Variants in NBEA observed in about 807,000 individuals in gnomAD.
The protein encoded by NBEA is neurobeachin, also known as lysosomal-trafficking regulator 2.
In NBEA, 44 loss-of-function variants were observed where a neutral mutation model predicts 343.4. The ratio of observed to expected loss-of-function variants is 0.13; its 90% CI spans 0.10 to 0.16. The LOEUF (loss-of-function observed/expected upper bound fraction) is 0.16. Among genes scored for constraint, NBEA ranks in the 10% least tolerant of loss-of-function variants. The pLI is 1.00. For synonymous variants in NBEA, 1,175 were observed against 1,238.7 expected (o/e 0.95, Z 1.08); for missense variants, 2,555 against 3,631.3 (o/e 0.70, Z 7.62).
intron 34 of NBEA, among the ~76,000 whole-genome samples, chr13:35,259,642 CATTTT>C (rs2033027563): frequency 1.3e-5 from 2 of 151,950 alleles, no homozygotes; most frequent in African/African-American, 2.4e-5. Flanking sequence ...AAAAATAAAA[CATTTT>C]ATTAGCAATT....
chr13:35,492,350 T>A lies in NBEA; in HGVS notation c.6585+19814T>A, dbSNP rs536211421. 3.5e-4 allele frequency among the ~76,000 whole-genome samples: 53 copies of A among 152,054 alleles called. 1 individual carries two copies. In the South Asian group the frequency reaches 1.0e-2, roughly 29 times the overall value. On this transcript the variant is annotated intron_variant, in intron 41 of 58. Coordinates refer to ENST00000379939, the MANE Select transcript of NBEA (RefSeq NM_001385012.1). Reference sequence around the variant, plus strand: ...AAAACCTATGGAAATAAACAATTTTTAAAAAGTAGAAATAAAGGAAATGCA... The same window carrying A: ...AAAACCTATGGAAATAAACAATTTTAAAAAAGTAGAAATAAAGGAAATGCA...
chr13:35,011,325 G>A (rs1399442299), intron 1 of NBEA, among the ~76,000 whole-genome samples: 3 of 152,134 alleles, frequency 2.0e-5, no homozygotes, highest in Non-Finnish European at 4.4e-5. Flanking sequence ...GATTGTAGAG[G>A]AGCACTGAGA....
At chr13:35,035,978 T>A (rs1374317383) in intron 1 of NBEA, among the ~76,000 whole-genome samples, 8 of 152,028 alleles carry the variant, frequency 5.3e-5, no homozygotes, top group Non-Finnish European at 4.4e-5. Context: ...TTAGTCTGTG[T>A]CTTTTGATTG....
chr13:35,362,409 AT>A (rs1163581337), intron 38 of NBEA, among the ~76,000 whole-genome samples: 5 of 151,998 alleles, frequency 3.3e-5, no homozygotes, highest in African/African-American at 9.7e-5. Context: ...TCTAATAAAG[AT>A]TATGAATTAT....
intron 40 of NBEA, among the ~76,000 whole-genome samples, chr13:35,464,905 C>T (rs2047087744): frequency 6.6e-6 from 1 of 152,018 alleles, no homozygotes; most frequent in Admixed American, 6.6e-5. Context: ...CATTAATTTT[C>T]GTTGACTACG....
chr13:35,177,962 AATC>A (rs1407504939), intron 28 of NBEA, among the ~76,000 whole-genome samples: 5 of 151,738 alleles, frequency 3.3e-5, no homozygotes, highest in African/African-American at 1.2e-4. Context: ...ACAATAGAAA[AATC>A]ATCACTCTGT....
intron 15 of NBEA, 36 bp from the exon 16 acceptor site, chr13:35,118,341 A>G (rs2066613439): frequency 2.5e-6 from 4 of 1,576,554 alleles, no homozygotes; most frequent in African/African-American, 1.4e-5. Context: ...CAATCTTTAG[A>G]GTAAAATTTT....
intron 46 of NBEA, among the ~76,000 whole-genome samples, chr13:35,589,109 C>T (rs2081412322): frequency 6.6e-6 from 1 of 152,080 alleles, no homozygotes; most frequent in Non-Finnish European, 1.5e-5. Flanking sequence ...TGCATATTTA[C>T]TCAGAGGAAG....
At chr13:35,350,942 A>G (rs959657171) in intron 37 of NBEA, among the ~76,000 whole-genome samples, 9 of 152,096 alleles carry the variant, frequency 5.9e-5, no homozygotes, top group African/African-American at 1.7e-4. Flanking sequence ...TTAGTTAACT[A>G]CTGTAGTTGT....
intron 34 of NBEA, among the ~76,000 whole-genome samples, chr13:35,283,944 T>A (rs1412654298): frequency 6.6e-6 from 1 of 151,954 alleles, no homozygotes; most frequent in Non-Finnish European, 1.5e-5. Flanking sequence ...TTTTTCTTTT[T>A]CCTTTTCTCT....
intron 35 of NBEA, among the ~76,000 whole-genome samples, chr13:35,303,098 G>A (rs929455071): frequency 6.6e-6 from 1 of 152,088 alleles, no homozygotes; most frequent in Admixed American, 6.6e-5. Context: ...TAAATTTCCT[G>A]CAGGGCACAG....
At chr13:35,312,038 G>A (rs1175226192) in intron 36 of NBEA, among the ~76,000 whole-genome samples, 1 of 152,174 alleles carries the variant, frequency 6.6e-6, no homozygotes, top group African/African-American at 2.4e-5. Context: ...ATGTATGCAT[G>A]AGTGCAGCAA....
chr13:35,414,629 A>G (rs1200504487), intron 38 of NBEA, among the ~76,000 whole-genome samples: 1 of 152,142 alleles, frequency 6.6e-6, no homozygotes, highest in Admixed American at 6.6e-5. Flanking sequence ...CCAGTCTATC[A>G]TTGATGGACA....
At chr13:35,302,697 A>AT (rs1381451123) in intron 35 of NBEA, among the ~76,000 whole-genome samples, 1 of 152,132 alleles carries the variant, frequency 6.6e-6, no homozygotes, top group African/African-American at 2.4e-5. Context: ...ATACATAAGG[A>AT]TTTTTTCTGT....
At chr13:35,225,182 T>C (rs1043658906) in intron 33 of NBEA, among the ~76,000 whole-genome samples, 1 of 152,124 alleles carries the variant, frequency 6.6e-6, no homozygotes, top group Non-Finnish European at 1.5e-5. Flanking sequence ...TTCTCTTTTG[T>C]CCTGGTCTAG....
chr13:35,606,222 T>G (rs1566398573), intron 47 of NBEA, among the ~76,000 whole-genome samples: 1 of 152,154 alleles, frequency 6.6e-6, no homozygotes, highest in Non-Finnish European at 1.5e-5. Flanking sequence ...TAAACATAAA[T>G]TTTCAAGTGA....
chr13:34,994,199 A>G (rs537362286), intron 1 of NBEA, among the ~76,000 whole-genome samples: 452 of 87,120 alleles, frequency 5.2e-3, no homozygotes, highest in South Asian at 7.3e-3. Flanking sequence ...CTCTGTCTCC[A>G]AAAAAAAAAA....
intron 38 of NBEA, among the ~76,000 whole-genome samples, chr13:35,420,926 A>AT (rs998342133): frequency 6.6e-6 from 1 of 151,108 alleles, no homozygotes; most frequent in African/African-American, 2.4e-5. Context: ...AGTGTTATTG[A>AT]TTTTTTTCAA....
chr13:35,525,827 CT>C (rs945259526), intron 41 of NBEA, among the ~76,000 whole-genome samples: 2 of 152,128 alleles, frequency 1.3e-5, no homozygotes, highest in Non-Finnish European at 2.9e-5. Flanking sequence ...TACATGGTGC[CT>C]TGTTGCTGTG....
Sources: allele counts gnomAD v4.1 joint callset (sites outside exome capture counted in the v4.1 genomes callset), GRCh38; gene constraint gnomAD v4.1.1; transcripts MANE v1.5; gene names NCBI Gene and HGNC (gene_info 2026-07-23, HGNC 2026-07-21).